BMP2K: variants seen among roughly 807,000 people sequenced by gnomAD.
The protein encoded by BMP2K is BMP2 inducible kinase.
In BMP2K, 74 loss-of-function variants were observed where a neutral mutation model predicts 116.0. The observed-to-expected ratio is 0.64, with a 90% CI of 0.53 to 0.77. BMP2K has a LOEUF of 0.77. BMP2K is among the 30% of genes least tolerant of loss of function. The pLI is 0.00. For missense variants in BMP2K, 1,365 were observed against 1,403.6 expected (o/e 0.97, Z 0.44); for synonymous variants, 486 against 502.5 (o/e 0.97, Z 0.44).
In BMP2K at chr4:78,863,401, C is replaced by G. The variant is rs554899738; in HGVS notation, c.1067+1933C>G. On this transcript the variant is annotated intron_variant, in intron 9 of 15. Coordinates refer to ENST00000502613, the MANE Select transcript of BMP2K (RefSeq NM_198892.2). ...TGTGGGTTTCTCAGCTGCCTTCAATCTGTGGTATTCTTTGCCTTCTTAAAA... is the reference window on the plus strand; with the variant it reads ...TGTGGGTTTCTCAGCTGCCTTCAATGTGTGGTATTCTTTGCCTTCTTAAAA... 1.2e-4 allele frequency among the ~76,000 whole-genome samples: 18 copies of G among 152,232 alleles called. No homozygotes were observed. In the South Asian group the frequency reaches 3.5e-3, roughly 30 times the overall value.
chr4:78,851,123 CCTTTA>C (rs1291562111), intron 7 of BMP2K, 67 bp downstream of exon 7: 1 of 1,349,516 alleles, frequency 7.4e-7, no homozygotes, highest in East Asian at 2.7e-5. Context: ...TATTTACATT[CCTTTA>C]CTTAAATCTA....
chr4:78,828,568 A>G (rs1439124271), intron 2 of BMP2K, among the ~76,000 whole-genome samples: 1 of 152,150 alleles, frequency 6.6e-6, no homozygotes, highest in Non-Finnish European at 1.5e-5. Context: ...GGGGCAGGTG[A>G]AAGGAGGGCA....
chr4:78,912,785 C>T lies in BMP2K; in HGVS notation c.*752C>T, dbSNP rs112984624. The T allele has an allele frequency of 7.6e-6, 1 of 131,484 alleles. No individual in the cohort carries two copies. Among genetic ancestry groups the T allele is most frequent in the African/African-American group, 3.0e-5 (1 of 33,370 alleles). The allele number at this position is 131,484 out of a possible 1,614,324, so 8.1% of individuals were successfully genotyped here. A position where few individuals can be genotyped will look rare whatever the true frequency, so the allele number is the denominator to read the frequency against. Reference sequence around the variant, plus strand: ...AAAACAAATTAAAAAAATGGACTATCGTCGCACAGAAGCCTAGAACAAAAA... The same window carrying T: ...AAAACAAATTAAAAAAATGGACTATTGTCGCACAGAAGCCTAGAACAAAAA... On this transcript the variant is annotated 3_prime_UTR_variant, in exon 16 of 16. Transcript: ENST00000502613.
chr4:78,872,203 A>G (rs1732391428), intron 12 of BMP2K: 2 of 343,790 alleles, frequency 5.8e-6, no homozygotes, highest in Non-Finnish European at 5.2e-6. Context: ...TGTCTTACCT[A>G]TAGTCTTTCG....
chr4:78,844,625 G>A (rs1299564446), intron 4 of BMP2K, among the ~76,000 whole-genome samples: 1 of 151,568 alleles, frequency 6.6e-6, no homozygotes, highest in African/African-American at 2.4e-5. Flanking sequence ...ATCAACCTGG[G>A]TTGGAAGAAG....
intron 1 of BMP2K, among the ~76,000 whole-genome samples, chr4:78,821,251 G>A (rs577736035): frequency 2.4e-4 from 36 of 152,262 alleles, no homozygotes; most frequent in African/African-American, 7.7e-4. Flanking sequence ...GTGATGATGC[G>A]CTTTGTGTAA....
intron 15 of BMP2K, among the ~76,000 whole-genome samples, chr4:78,908,187 G>A (rs966371781): frequency 6.6e-6 from 1 of 152,156 alleles, no homozygotes; most frequent in East Asian, 1.9e-4. Flanking sequence ...TTGCAATTAA[G>A]TATAACCTGG....
chr4:78,904,887 A>G (rs1734208506), intron 15 of BMP2K, among the ~76,000 whole-genome samples: 1 of 151,958 alleles, frequency 6.6e-6, no homozygotes, highest in Admixed American at 6.6e-5. Context: ...AAAATAAGAT[A>G]GTTATAATTC....
At chr4:78,849,425 G>T (rs1264922727) in intron 6 of BMP2K, among the ~76,000 whole-genome samples, 4 of 151,402 alleles carry the variant, frequency 2.6e-5, no homozygotes, top group African/African-American at 9.7e-5. Context: ...AAGTATACTT[G>T]CATTGCTAAA....
chr4:78,852,490 A>T (rs994411863), intron 7 of BMP2K, among the ~76,000 whole-genome samples: 1 of 152,174 alleles, frequency 6.6e-6, no homozygotes, highest in Admixed American at 6.6e-5. Context: ...GGACTTTTAA[A>T]GTATTGTATT....
chr4:78,870,590 C>T (rs190043903), intron 10 of BMP2K, among the ~76,000 whole-genome samples, 193 bp from the exon 11 acceptor site: 80 of 152,186 alleles, frequency 5.3e-4, no homozygotes, highest in South Asian at 8.3e-4. Flanking sequence ...GAGTTGTAGA[C>T]GACAAAATTA....
intron 7 of BMP2K, among the ~76,000 whole-genome samples, chr4:78,853,477 C>G (rs1731353924): frequency 6.6e-6 from 1 of 152,056 alleles, no homozygotes; most frequent in Admixed American, 6.6e-5. Context: ...AAGTACTTTC[C>G]AGATCCAGGA....
At chr4:78,837,453 C>T (rs1336217944) in intron 3 of BMP2K, among the ~76,000 whole-genome samples, 2 of 152,060 alleles carry the variant, frequency 1.3e-5, no homozygotes, top group Non-Finnish European at 2.9e-5. Flanking sequence ...CCTCGGCCTC[C>T]TAGAATGCTG....
In BMP2K at chr4:78,878,882, C is replaced by T; in HGVS notation, c.1942C>T (p.Leu648=). The T allele has an allele frequency of 6.2e-7, 1 of 1,610,696 alleles. No individual in the cohort carries two copies. The highest frequency in any genetic ancestry group is 8.5e-7 in the Non-Finnish European group (1 of 1,178,846). ...EELLDREFDL[L]RSNRLEERAS... is the part of the protein sequence containing the mutation. Reference sequence around the variant, plus strand: ...ACTATTGGACAGAGAATTTGACCTTCTAAGATCAAGTAAGGGACACTTGAA... The same window carrying T: ...ACTATTGGACAGAGAATTTGACCTTTTAAGATCAAGTAAGGGACACTTGAA... The change falls in exon 14 of 16, where the codon CTA becomes TTA. Residue 648 remains leucine (L), a synonymous_variant. Coordinates refer to ENST00000502613, the MANE Select transcript of BMP2K (RefSeq NM_198892.2).
At chr4:78,810,649 T>A (rs1729045337) in intron 1 of BMP2K, among the ~76,000 whole-genome samples, 1 of 152,182 alleles carries the variant, frequency 6.6e-6, no homozygotes, top group Non-Finnish European at 1.5e-5. Context: ...GCTCTAAACC[T>A]GTTTTGTTTC....
Position 78,776,505 on chromosome 4 carries a change from T to G in BMP2K, c.-39T>G, listed in dbSNP as rs1727240338. 1 of 1,126,708 alleles carries G rather than the reference T, an allele frequency of 8.9e-7. No individual in the cohort carries two copies. Among genetic ancestry groups the G allele is most frequent in the African/African-American group, 1.7e-5 (1 of 60,314 alleles). The allele number at this position is 1,126,708 out of a possible 1,614,324, so 69.8% of individuals were successfully genotyped here. A position where few individuals can be genotyped will look rare whatever the true frequency, so the allele number is the denominator to read the frequency against. On this transcript the variant is annotated 5_prime_UTR_variant, in exon 1 of 16. Transcript: ENST00000502613. ...TGCGCGCCGGGCCGGGGACTTGCCC[T>G]TGCACGCTCCCTGCGCCCTCCAGCT...
intron 15 of BMP2K, among the ~76,000 whole-genome samples, chr4:78,892,808 A>T (rs1410259387): frequency 6.6e-6 from 1 of 152,218 alleles, no homozygotes; most frequent in African/African-American, 2.4e-5. Context: ...AAATGTATAT[A>T]CCATAATTTA....
At chr4:78,844,603 G>T (rs1730909117) in intron 4 of BMP2K, among the ~76,000 whole-genome samples, 1 of 151,460 alleles carries the variant, frequency 6.6e-6, no homozygotes, top group Admixed American at 6.6e-5. Flanking sequence ...GGGTTTCTTT[G>T]CCCCTGTACA....
intron 14 of BMP2K, among the ~76,000 whole-genome samples, chr4:78,882,830 T>G (rs1287740315): frequency 6.6e-6 from 1 of 152,028 alleles, no homozygotes; most frequent in African/African-American, 2.4e-5. Context: ...AGCCACAGAA[T>G]GATAATGGCT....
Sources: allele counts gnomAD v4.1 joint callset (sites outside exome capture counted in the v4.1 genomes callset), GRCh38; gene constraint gnomAD v4.1.1; transcripts MANE v1.5; gene names NCBI Gene and HGNC (gene_info 2026-07-23, HGNC 2026-07-21).